Variants in ANKRD29 observed in about 807,000 individuals in gnomAD.
ANKRD29 encodes the protein ankyrin repeat domain 29.
In ANKRD29, 32 loss-of-function variants were observed where a neutral mutation model predicts 38.0. The ratio of observed to expected loss-of-function variants is 0.84; its 90% CI spans 0.64 to 1.13. ANKRD29 has a LOEUF of 1.13. Among genes scored for constraint, ANKRD29 ranks in the 50% most tolerant of loss-of-function variants. ANKRD29 has a pLI of 0.00. For synonymous variants in ANKRD29, 135 were observed against 152.4 expected, an observed-to-expected ratio of 0.89 and a Z score of 0.84; for missense variants, 357 against 377.9, an observed-to-expected ratio of 0.94 and a Z score of 0.46.
intron 1 of ANKRD29, among the ~76,000 whole-genome samples, chr18:23,652,719 A>C (rs1341370328): frequency 6.6e-6 from 1 of 152,178 alleles, no homozygotes; most frequent in Non-Finnish European, 1.5e-5. Context: ...TTACTATTTC[A>C]CCTCTTTCTT....
At chr18:23,625,911 T>G (rs1187226568) in intron 6 of ANKRD29, among the ~76,000 whole-genome samples, 1 of 152,184 alleles carries the variant, frequency 6.6e-6, no homozygotes, top group African/African-American at 2.4e-5. Flanking sequence ...ATCTGGAGCC[T>G]TCTTCTAACT....
At chr18:23,615,811 T>A (rs1435134134) in intron 8 of ANKRD29, among the ~76,000 whole-genome samples, 1 of 151,408 alleles carries the variant, frequency 6.6e-6, no homozygotes, top group East Asian at 1.9e-4. Context: ...ATATTTGCTA[T>A]CTGGTAACAG....
At chr18:23,610,353 C>G (rs557219957) in intron 9 of ANKRD29, among the ~76,000 whole-genome samples, 1 of 152,322 alleles carries the variant, frequency 6.6e-6, no homozygotes, top group South Asian at 2.1e-4. Context: ...TGGTGCACAC[C>G]TGTAGTTCCA....
chr18:23,616,565 C>A (rs2914966), intron 8 of ANKRD29, among the ~76,000 whole-genome samples: 10 of 138,332 alleles, frequency 7.2e-5, no homozygotes, highest in Non-Finnish European at 9.1e-5. Flanking sequence ...TATATATATA[C>A]ACTATATATA....
chr18:23,615,954 AC>A (rs371857070), intron 8 of ANKRD29, among the ~76,000 whole-genome samples: 2,947 of 141,056 alleles, frequency 0.021, 124 homozygotes, highest in South Asian at 0.078. Flanking sequence ...ATATATACAT[AC>A]TATATGTATG....
intron 6 of ANKRD29, among the ~76,000 whole-genome samples, chr18:23,621,557 G>C (rs1342016284): frequency 1.3e-5 from 2 of 152,118 alleles, no homozygotes; most frequent in East Asian, 1.9e-4. Flanking sequence ...AAATATTCTT[G>C]AATCTAAATA....
chr18:23,619,493 G>C, intron 7 of ANKRD29, 38 bp downstream of exon 7: 1 of 1,536,190 alleles, frequency 6.5e-7, no homozygotes. Context: ...GGCGCGCCGG[G>C]AGGCTTCGCT....
intron 6 of ANKRD29, among the ~76,000 whole-genome samples, chr18:23,620,775 A>C (rs2059787339): frequency 6.6e-6 from 1 of 152,132 alleles, no homozygotes; most frequent in Non-Finnish European, 1.5e-5. Context: ...TGGGAGTTTC[A>C]GAGTCAGTGG....
chr18:23,658,755 G>T (rs2060316930), intron 1 of ANKRD29, among the ~76,000 whole-genome samples: 1 of 152,124 alleles, frequency 6.6e-6, no homozygotes. Flanking sequence ...AGGTTGTGTA[G>T]GTATAGCCCC....
In ANKRD29 at chr18:23,601,325, A is replaced by T; in HGVS notation, c.823-16T>A. On this transcript the variant is annotated splice_polypyrimidine_tract_variant and intron_variant, in intron 9 of 9. Coordinates refer to ENST00000592179, the MANE Select transcript of ANKRD29 (RefSeq NM_173505.4). ...GTTCATTGGCCTGAAAGAAGAGAAG[A>T]TGGGCATTAGTGAATCCCCATAGCT... The T allele has an allele frequency of 6.2e-7, 1 of 1,611,954 alleles. No individual in the cohort carries two copies. The highest frequency in any genetic ancestry group is 8.5e-7 in the Non-Finnish European group (1 of 1,178,138).
chr18:23,608,822 A>C (rs1199412909), intron 9 of ANKRD29, among the ~76,000 whole-genome samples: 1 of 152,204 alleles, frequency 6.6e-6, no homozygotes, highest in East Asian at 1.9e-4. Flanking sequence ...CTAACAAATT[A>C]GCTACAAGAT....
intron 3 of ANKRD29, among the ~76,000 whole-genome samples, chr18:23,641,479 G>A (rs1207229174): frequency 6.6e-6 from 1 of 152,248 alleles, no homozygotes; most frequent in Non-Finnish European, 1.5e-5. Flanking sequence ...CTTGAGGTGT[G>A]TATGCTTGAG....
At chr18:23,630,190 C>A (rs996667527) in intron 5 of ANKRD29, among the ~76,000 whole-genome samples, 2 of 151,956 alleles carry the variant, frequency 1.3e-5, no homozygotes, top group Non-Finnish European at 2.9e-5. Flanking sequence ...TTTGGGAGGC[C>A]GAGGCAGGTG....
At chr18:23,609,094 C>CA (rs34279745) in intron 9 of ANKRD29, 3,218 of 140,236 alleles carry the variant, frequency 0.023, 102 homozygotes, top group African/African-American at 0.073. Flanking sequence ...AATTCTGTTT[C>CA]AAAAAAAAAA....
intron 7 of ANKRD29, among the ~76,000 whole-genome samples, chr18:23,619,201 C>T (rs531130593): frequency 4.7e-4 from 72 of 152,282 alleles, no homozygotes; most frequent in African/African-American, 1.7e-3. Context: ...GGCGCAGCAC[C>T]AGCCAGGGGA....
At position 23,619,626 on chromosome 18, in the gene ANKRD29, C is replaced by T. The variant is rs761348537; in HGVS notation, c.532G>A (p.Gly178Arg). The T allele has an allele frequency of 1.3e-6, 2 of 1,575,320 alleles. No homozygotes were observed. The highest frequency in any genetic ancestry group is 1.8e-5 in the Admixed American group (1 of 55,094). ...GAKVNQPRQD[G>R]TAPLWIASQM... ...GACGCGATCCACAGGGGCGCTGTCC[C>T]GTCCTGCGGGAAGAGGAGGCGGCGG... The change falls in exon 7 of 10, where the codon GGG becomes AGG. Residue 178 changes from glycine to arginine, a missense_variant. Physicochemically the swap from Gly to Arg is moderately radical, Grantham distance 125 (BLOSUM62 -2). Coordinates refer to ENST00000592179, the MANE Select transcript of ANKRD29 (RefSeq NM_173505.4).
At chr18:23,649,582 C>G (rs183303619) in intron 1 of ANKRD29, 69 of 479,988 alleles carry the variant, frequency 1.4e-4, no homozygotes, top group African/African-American at 9.6e-4. Context: ...CCAAATCTTT[C>G]CTCACCTCTA....
At chr18:23,659,865 C>T (rs2060335084) in intron 1 of ANKRD29, among the ~76,000 whole-genome samples, 1 of 152,136 alleles carries the variant, frequency 6.6e-6, no homozygotes, top group South Asian at 2.1e-4. Flanking sequence ...AATCCCAGCA[C>T]TCTGGGAGCC....
chr18:23,656,864 T>C (rs984997737), intron 1 of ANKRD29, among the ~76,000 whole-genome samples: 2 of 152,236 alleles, frequency 1.3e-5, no homozygotes, highest in African/African-American at 4.8e-5. Context: ...ACCTTCCCTC[T>C]GTGCCTTCTG....
Sources: gnomAD v4.1 joint callset for allele counts (sites outside exome capture counted in the v4.1 genomes callset) on GRCh38, gnomAD v4.1.1 for gene constraint, MANE v1.5 for transcripts, NCBI Gene and HGNC (gene_info 2026-07-23, HGNC 2026-07-21) for gene names.